Variants in RELCH observed in about 807,000 individuals in gnomAD.
The protein encoded by RELCH is RAB11 binding and LisH domain, coiled-coil and HEAT repeat containing, also known as RAB11-binding protein RELCH.
In RELCH, 41 loss-of-function variants were observed where a neutral mutation model predicts 150.3. The observed-to-expected ratio is 0.27, with a 90% CI of 0.21 to 0.35. RELCH has a LOEUF of 0.35. Ranked by LOEUF, RELCH falls within the 10% of genes least tolerant of loss-of-function variation. The pLI, the probability that RELCH is intolerant of heterozygous loss-of-function variation, is 1.00. For missense variants in RELCH, 1,092 were observed against 1,467.8 expected, an observed-to-expected ratio of 0.74 and a Z score of 4.18; for synonymous variants, 478 against 531.8, an observed-to-expected ratio of 0.90 and a Z score of 1.39.
At chr18:62,210,527 C>T (rs1028426038) in intron 1 of RELCH, among the ~76,000 whole-genome samples, 2 of 152,146 alleles carry the variant, frequency 1.3e-5, no homozygotes, top group African/African-American at 4.8e-5. Context: ...TATTTCAGTT[C>T]TAGAATTTCT....
chr18:62,214,553 C>T (rs886288544), intron 2 of RELCH, among the ~76,000 whole-genome samples: 3 of 152,160 alleles, frequency 2.0e-5, no homozygotes, highest in Non-Finnish European at 4.4e-5. Context: ...CTTGACATTG[C>T]TCTGATGGAG....
rs1287934273 is a variant in RELCH at position 62,305,039 on chromosome 18, A to G, written c.3531-375A>G. Among the ~76,000 whole-genome samples, 1 of 152,268 alleles carries G rather than the reference A, an allele frequency of 6.6e-6. No homozygotes were observed. The highest frequency in any genetic ancestry group is 1.9e-4 in the East Asian group (1 of 5,202). ...TAACTACTAACAATTACATCATGCTATTATGTGCCTAGCACTATACTGAGC... is the reference window on the plus strand; with the variant it reads ...TAACTACTAACAATTACATCATGCTGTTATGTGCCTAGCACTATACTGAGC... On this transcript the variant is annotated intron_variant, in intron 28 of 28. Coordinates refer to ENST00000644646, the MANE Select transcript of RELCH (RefSeq NM_001346231.2). This position sits in a 1 kb window ranked among gnomAD's most constrained non-coding sequence, Gnocchi z 4.0.
chr18:62,189,507 A>G (rs770066893), intron 1 of RELCH, among the ~76,000 whole-genome samples: 3 of 152,090 alleles, frequency 2.0e-5, no homozygotes, highest in Non-Finnish European at 4.4e-5. Flanking sequence ...CTTCAGAGAC[A>G]TTTTTATAAT....
intron 22 of RELCH, among the ~76,000 whole-genome samples, chr18:62,275,789 C>T (rs2044177993): frequency 6.6e-6 from 1 of 151,894 alleles, no homozygotes; most frequent in Non-Finnish European, 1.5e-5. Context: ...TTTTGATTTA[C>T]TGAGGTAAAT....
intron 5 of RELCH, among the ~76,000 whole-genome samples, chr18:62,223,948 A>G (rs2041041064): frequency 1.3e-5 from 2 of 152,118 alleles, no homozygotes; most frequent in Non-Finnish European, 2.9e-5. Flanking sequence ...TAGAAAACCT[A>G]TCACTAACAT....
intron 20 of RELCH, among the ~76,000 whole-genome samples, chr18:62,272,642 G>T (rs2043966752): frequency 6.6e-6 from 1 of 152,014 alleles, no homozygotes; most frequent in South Asian, 2.1e-4. Context: ...AAAAATTTTT[G>T]TTAGGGTAAA....
At chr18:62,228,921 C>T (rs1051630118) in intron 8 of RELCH, among the ~76,000 whole-genome samples, 2 of 151,966 alleles carry the variant, frequency 1.3e-5, no homozygotes, top group African/African-American at 4.8e-5. Context: ...ATCCTTTAGT[C>T]GTTATCAGAC....
chr18:62,195,280 CTGTGTGTGTGTGTG>C (rs148387504), intron 1 of RELCH, among the ~76,000 whole-genome samples: 4 of 136,230 alleles, frequency 2.9e-5, no homozygotes, highest in African/African-American at 7.7e-5. Context: ...TACACACACT[CTGTGTGTGTGTGTG>C]TGTGTGTGTG....
intron 10 of RELCH, among the ~76,000 whole-genome samples, chr18:62,237,480 A>G (rs1408605312): frequency 2.0e-5 from 3 of 151,802 alleles, no homozygotes; most frequent in African/African-American, 7.2e-5. Flanking sequence ...CCATGATTTA[A>G]ACAAATGATA....
chr18:62,300,345 T>C (rs1005748451), intron 28 of RELCH: 8 of 152,208 alleles, frequency 5.3e-5, no homozygotes, highest in African/African-American at 1.7e-4. Flanking sequence ...GCCTGGCTAG[T>C]TCCTACTCAT....
chr18:62,272,485 T>C (rs1490140264), intron 20 of RELCH, among the ~76,000 whole-genome samples: 2 of 152,146 alleles, frequency 1.3e-5, no homozygotes, highest in African/African-American at 4.8e-5. Flanking sequence ...CATTATGAAG[T>C]CTAAATATGT....
intron 11 of RELCH, among the ~76,000 whole-genome samples, chr18:62,252,346 C>T (rs542324257): frequency 2.6e-5 from 4 of 151,574 alleles, no homozygotes; most frequent in South Asian, 4.2e-4. Flanking sequence ...GGTGAAACGC[C>T]GTCTCTACAA....
intron 11 of RELCH, among the ~76,000 whole-genome samples, chr18:62,248,518 A>G (rs577585411): frequency 1.8e-4 from 27 of 152,192 alleles, no homozygotes; most frequent in South Asian, 1.0e-3. Flanking sequence ...TACTATTCCA[A>G]TTACTCATTT....
intron 27 of RELCH, among the ~76,000 whole-genome samples, chr18:62,293,958 A>G (rs549972069): frequency 6.6e-5 from 10 of 152,140 alleles, no homozygotes; most frequent in African/African-American, 1.4e-4. Context: ...CCTATCCTGT[A>G]TATATGGAAT....
intron 25 of RELCH, among the ~76,000 whole-genome samples, chr18:62,286,705 A>G (rs1436233434): frequency 3.9e-5 from 6 of 152,116 alleles, no homozygotes; most frequent in Admixed American, 1.3e-4. Context: ...AGAAAACACA[A>G]TCTTAGGCTC....
rs1281845309 is a variant in RELCH at position 62,272,550 on chromosome 18, A to T, written c.2761-1430A>T. Among the ~76,000 whole-genome samples, 3 of 152,234 alleles carry T rather than the reference A, an allele frequency of 2.0e-5. No homozygotes were observed. In the East Asian group the frequency reaches 5.8e-4, roughly 29 times the overall value. ...TTCAGCTTATTACAAAATAAATAGC[A>T]TATTGAGGTAGCAATCACAGATTGC... On this transcript the variant is annotated intron_variant, in intron 20 of 28. Transcript: ENST00000644646.
chr18:62,240,408 C>CTTTTTTTT (rs199932427), intron 10 of RELCH, among the ~76,000 whole-genome samples: 5 of 139,570 alleles, frequency 3.6e-5, no homozygotes, highest in Non-Finnish European at 3.1e-5. Context: ...TTTTTTTTTT[C>CTTTTTTTT]TTTTTCTTTT....
At chr18:62,211,633 T>G (rs1327815167) in intron 2 of RELCH, among the ~76,000 whole-genome samples, 2 of 152,184 alleles carry the variant, frequency 1.3e-5, no homozygotes, top group African/African-American at 4.8e-5. Context: ...AAATTGGTTT[T>G]GAACCAGGCA....
intron 26 of RELCH, among the ~76,000 whole-genome samples, chr18:62,289,292 G>A (rs1002114126): frequency 6.6e-6 from 1 of 152,184 alleles, no homozygotes; most frequent in East Asian, 1.9e-4. Flanking sequence ...CAACAGTGCT[G>A]TGGCCCCTAA....
Sources: gnomAD v4.1 joint callset for allele counts (sites outside exome capture counted in the v4.1 genomes callset) on GRCh38, gnomAD v4.1.1 for gene constraint, Gnocchi (gnomAD v3.1) non-coding constraint, MANE v1.5 for transcripts, NCBI Gene and HGNC (gene_info 2026-07-23, HGNC 2026-07-21) for gene names.